The following CFAP92 variants were observed in gnomAD, a reference collection of about 807,000 sequenced individuals.
CFAP92 encodes cilia and flagella associated protein 92 (putative), also known as uncharacterized protein CFAP92.
Under a neutral mutation model 106.3 loss-of-function variants are expected in CFAP92, and 86 were observed. The observed-to-expected ratio is 0.81, with a 90% confidence interval of 0.68 to 0.97. The LOEUF (loss-of-function observed/expected upper bound fraction) is 0.97, where lower values mean the gene tolerates loss of function less well. CFAP92 is among the 50% of genes least tolerant of loss of function. The pLI, the probability that CFAP92 is intolerant of heterozygous loss-of-function variation, is 0.00. For synonymous variants in CFAP92, 477 were observed against 506.4 expected (o/e 0.94, Z 0.78); for missense variants, 1,204 against 1,283.8 (o/e 0.94, Z 0.95).
chr3:129,014,822 T>C, the CFAP92 span, among the ~76,000 whole-genome samples: 1 of 152,120 alleles, frequency 6.6e-6, no homozygotes, highest in South Asian at 2.1e-4. This position sits in a 1 kb window ranked among gnomAD's most constrained non-coding sequence, Gnocchi z 4.3. Context: ...ACGAGCAGGT[T>C]GGAGCCAGCC....
chr3:128,964,376 G>A (rs1384900439), intron 9 of CFAP92, among the ~76,000 whole-genome samples: 4 of 152,070 alleles, frequency 2.6e-5, no homozygotes, highest in Admixed American at 6.6e-5. Flanking sequence ...CTGAGACTGT[G>A]CCCCCAAAAA....
At chr3:128,912,341 T>C (rs1292984392) in intron 15 of CFAP92, among the ~76,000 whole-genome samples, 2 of 152,094 alleles carry the variant, frequency 1.3e-5, no homozygotes, top group African/African-American at 2.4e-5. Flanking sequence ...CCCCTTTCTC[T>C]CCCTGCAGCC....
intron 9 of CFAP92, among the ~76,000 whole-genome samples, chr3:128,956,876 A>T (rs1941468028): frequency 6.7e-6 from 1 of 150,236 alleles, no homozygotes; most frequent in Non-Finnish European, 1.5e-5. Flanking sequence ...GCTACTCAGG[A>T]GGCTGAGGCA....
In CFAP92 at chr3:128,965,522, G is replaced by T; in HGVS notation, c.1342C>A (p.Gln448Lys). The T allele has an allele frequency of 2.5e-6, 1 of 399,014 alleles. No individual in the cohort carries two copies. Among genetic ancestry groups the T allele is most frequent in the South Asian group, 1.3e-4 (1 of 7,832 alleles). 24.7% of individuals were successfully genotyped at this position (399,014 alleles called of 1,614,324 possible). Reference sequence around the variant, plus strand: ...CGGCTCATTCTTACCTCTAGTTCCTGAATGGGTACAGGCTGTGATGGAAGG... The same window carrying T: ...CGGCTCATTCTTACCTCTAGTTCCTTAATGGGTACAGGCTGTGATGGAAGG... ...SCLPSQPVPI[Q>K]ELERLCMPVY... is the part of the protein sequence containing the mutation. The change falls in exon 9 of 16, where the codon CAG (glutamine) becomes AAG (lysine). Residue 448 changes from glutamine to lysine, a missense_variant. Transcript: ENST00000645291.
At chr3:128,914,710 CTG>C (rs1276520573) in intron 15 of CFAP92, 2 of 169,370 alleles carry the variant, frequency 1.2e-5, no homozygotes, top group Non-Finnish European at 2.6e-5. Flanking sequence ...AAAGAAAGAA[CTG>C]TCAGTATCTT....
At chr3:128,995,789 T>C (rs77391734), upstream of CFAP92, among the ~76,000 whole-genome samples, 5,996 of 152,312 alleles carry the variant, frequency 0.039, 296 homozygotes, top group African/African-American at 0.11. Flanking sequence ...TGAGGCTTCA[T>C]TAAAGACCTG....
At chr3:128,947,230 G>GA (rs1210531854) in intron 9 of CFAP92, among the ~76,000 whole-genome samples, 1,725 of 138,630 alleles carry the variant, frequency 0.012, 22 homozygotes, top group African/African-American at 0.041. Context: ...AAGCACTGAT[G>GA]AAAAAAAAAA....
chr3:129,008,517 T>C, the CFAP92 span, among the ~76,000 whole-genome samples: 1 of 152,256 alleles, frequency 6.6e-6, no homozygotes, highest in Admixed American at 6.5e-5. Flanking sequence ...CCTAACAGGA[T>C]GGACAATAAA....
chr3:128,949,544 A>G (rs1400598238), intron 9 of CFAP92, among the ~76,000 whole-genome samples: 1 of 152,254 alleles, frequency 6.6e-6, no homozygotes, highest in Non-Finnish European at 1.5e-5. Context: ...AGTTAAAACT[A>G]TAGTCATAAA....
Position 128,945,523 on chromosome 3 carries a change from TCTC to T in CFAP92, c.1803_1805del (p.Arg603del), listed in dbSNP as rs1940127133. 7 of 1,535,940 alleles carry T rather than the reference TCTC, an allele frequency of 4.6e-6. No individual in the cohort carries two copies. The highest frequency in any genetic ancestry group is 3.9e-5 in the Admixed American group (2 of 50,964). On this transcript the variant is annotated inframe_deletion, in exon 10 of 16. Coordinates refer to ENST00000645291, the MANE Select transcript of CFAP92 (RefSeq NM_001394090.1). ...GGACCCCAAGCCCCACAACCTTCCTTCTCCTGCTGTCCTGGCCGCAGTGTGTGG... is the reference window on the plus strand; with the variant it reads ...GGACCCCAAGCCCCACAACCTTCCTTCTGCTGTCCTGGCCGCAGTGTGTGG...
At chr3:128,972,171 G>A (rs1243426565) in intron 7 of CFAP92, among the ~76,000 whole-genome samples, 1 of 151,852 alleles carries the variant, frequency 6.6e-6, no homozygotes, top group Non-Finnish European at 1.5e-5. Context: ...CAGACTAAAA[G>A]TATAAAACAA....
intron 12 of CFAP92, among the ~76,000 whole-genome samples, chr3:128,931,213 G>T (rs1938326809): frequency 6.6e-6 from 1 of 151,940 alleles, no homozygotes; most frequent in Non-Finnish European, 1.5e-5. Context: ...TTGAGACAGG[G>T]TCTCACTCTG....
chr3:129,003,860 C>A, upstream of CFAP92: 1 of 1,441,684 alleles, frequency 6.9e-7, no homozygotes, highest in Non-Finnish European at 9.1e-7. Context: ...GGCTGCGGTG[C>A]GGGAGCTGCG....
chr3:129,003,471 C>T (rs1227573256), upstream of CFAP92, among the ~76,000 whole-genome samples: 5 of 151,874 alleles, frequency 3.3e-5, no homozygotes, highest in Admixed American at 3.3e-4. Flanking sequence ...GCCGCCAATA[C>T]AGTAGGCCGA....
At chr3:128,912,164 C>A (rs982933843) in intron 15 of CFAP92, among the ~76,000 whole-genome samples, 1 of 152,156 alleles carries the variant, frequency 6.6e-6, no homozygotes, top group African/African-American at 2.4e-5. Context: ...AGACACCCCC[C>A]CAGTGCTGAC....
intron 12 of CFAP92, among the ~76,000 whole-genome samples, chr3:128,924,225 C>T (rs1452674441): frequency 6.6e-6 from 1 of 151,880 alleles, no homozygotes; most frequent in East Asian, 1.9e-4. Context: ...GGTCCAAAAC[C>T]CCTCATGGCC....
chr3:129,002,334 G>A (rs111639121), intron 1 of CFAP92: 2 of 1,512,220 alleles, frequency 1.3e-6, no homozygotes, highest in African/African-American at 1.4e-5. Context: ...GGTGCGCGCC[G>A]GCCACGAAGG....
chr3:128,994,992 A>C (rs141830052), upstream of CFAP92, among the ~76,000 whole-genome samples: 99 of 152,338 alleles, frequency 6.5e-4, 1 homozygote, highest in African/African-American at 2.3e-3. Flanking sequence ...CCCATGGTAC[A>C]TAGCCCCACA....
chr3:128,920,077 A>G (rs1198790843), intron 12 of CFAP92, among the ~76,000 whole-genome samples: 1 of 152,236 alleles, frequency 6.6e-6, no homozygotes, highest in Non-Finnish European at 1.5e-5. Flanking sequence ...AACAGACCCC[A>G]GGTAATCCAG....
Sources: allele counts gnomAD v4.1 joint callset (sites outside exome capture counted in the v4.1 genomes callset), GRCh38; gene constraint gnomAD v4.1.1; non-coding constraint Gnocchi (gnomAD v3.1); transcripts MANE v1.5; gene names NCBI Gene and HGNC (gene_info 2026-07-23, HGNC 2026-07-21).